Variants in SAFB2 observed in about 807,000 individuals in gnomAD.
SAFB2 encodes scaffold attachment factor B2.
A neutral mutation model predicts 100.6 loss-of-function variants in SAFB2; 32 were observed. The observed-to-expected ratio is 0.32, with a 90% CI of 0.24 to 0.43. The LOEUF (loss-of-function observed/expected upper bound fraction) is 0.43, where lower values mean the gene tolerates loss of function less well. Ranked by LOEUF, SAFB2 falls within the 20% of genes least tolerant of loss-of-function variation. The pLI is 1.00. For synonymous variants in SAFB2, 500 were observed against 439.4 expected (o/e 1.14, Z -1.72); for missense variants, 1,185 against 1,163.4 (o/e 1.02, Z -0.27).
chr19:5,615,027 A>C (rs973740607), intron 4 of SAFB2, among the ~76,000 whole-genome samples: 1 of 151,978 alleles, frequency 6.6e-6, no homozygotes, highest in African/African-American at 2.4e-5. Context: ...CTCAGCCAAC[A>C]TGATGAAACC....
chr19:5,592,963 G>T, intron 15 of SAFB2, 76 bp from the exon 16 acceptor site: 1 of 1,426,518 alleles, frequency 7.0e-7, no homozygotes, highest in Non-Finnish European at 9.7e-7. Flanking sequence ...AGGTGGAGGT[G>T]GGGAGGGGAG....
intron 11 of SAFB2, among the ~76,000 whole-genome samples, chr19:5,600,610 C>T (rs1284714333): frequency 1.3e-5 from 2 of 152,170 alleles, no homozygotes; most frequent in African/African-American, 4.8e-5. Context: ...AATGTTTCAT[C>T]ATGTATGTGT....
intron 16 of SAFB2, 50 bp downstream of exon 16, chr19:5,592,697 C>A (rs763872170): frequency 4.4e-6 from 7 of 1,606,426 alleles, no homozygotes; most frequent in Non-Finnish European, 6.0e-6. Flanking sequence ...CAGCTGGATG[C>A]CCCGGTGCCC....
intron 4 of SAFB2, among the ~76,000 whole-genome samples, chr19:5,615,921 T>C (rs1366792651): frequency 5.9e-5 from 9 of 152,336 alleles, no homozygotes; most frequent in Admixed American, 2.6e-4. Flanking sequence ...CTTCGAATTA[T>C]AAAAACACTC....
chr19:5,592,885 C>T lies in SAFB2; in HGVS notation c.2210G>A (p.Arg737Gln), dbSNP rs754078815. 8.7e-6 allele frequency: 14 copies of T among 1,613,636 alleles called. No individual in the cohort carries two copies. The highest frequency in any genetic ancestry group is 3.3e-5 in the South Asian group (3 of 91,038). Residue 737 changes from arginine to glutamine, a missense_variant and splice_region_variant, in exon 16 of 21, where the codon CGA (arginine) becomes CAA (glutamine). Arg to Gln is a conservative substitution (Grantham distance 43). Transcript: ENST00000252542. Reference sequence around the variant, plus strand: ...TCCTTCTGGCCAATAGGCATCATCTCGTCTGTTGGTTTTTATTTTAAAAGA... The same window carrying T: ...TCCTTCTGGCCAATAGGCATCATCTTGTCTGTTGGTTTTTATTTTAAAAGA... ...PGRRPYDLDR[R>Q]DDAYWPEGKR...
Position 5,604,931 on chromosome 19 carries a change from G to A in SAFB2, c.1302C>T (p.Val434=), listed in dbSNP as rs540916569. ...KNLFSKYGKV[V]GAKVVTNARS... ...GGGCGTTCGTTACCACTTTGGCCCC[G>A]ACAACCTTCATGAAAAAGGGCACTC... The change falls in exon 10 of 21, where the codon GTC becomes GTT. Residue 434 remains valine, a synonymous_variant. Transcript: ENST00000252542. 2.7e-5 allele frequency: 43 copies of A among 1,612,344 alleles called. No individual in the cohort carries two copies. Among genetic ancestry groups the A allele is most frequent in the South Asian group, 5.5e-5 (5 of 91,010 alleles).
In SAFB2 at chr19:5,601,605, G is replaced by A. The variant is rs556063160; in HGVS notation, c.1560-1345C>T. 6.6e-4 allele frequency among the ~76,000 whole-genome samples: 101 copies of A among 151,986 alleles called. 1 individual carries two copies. The highest frequency in any genetic ancestry group is 1.2e-3 in the Non-Finnish European group (84 of 67,988). On this transcript the variant is annotated intron_variant, in intron 11 of 20. Coordinates refer to ENST00000252542, the MANE Select transcript of SAFB2 (RefSeq NM_014649.3). ...CGCATGCCTGTAATCCCAGCCACTCGGGAGGCTAAGGCAGGAGAATTGCTT... is the reference window on the plus strand; with the variant it reads ...CGCATGCCTGTAATCCCAGCCACTCAGGAGGCTAAGGCAGGAGAATTGCTT...
intron 8 of SAFB2, 184 bp downstream of exon 8, chr19:5,610,455 G>A: frequency 1.6e-6 from 1 of 623,138 alleles, no homozygotes; most frequent in South Asian, 1.9e-5. Context: ...AACCACAAGA[G>A]AAACATAAAA....
chr19:5,599,204 C>T (rs967339155), intron 12 of SAFB2, among the ~76,000 whole-genome samples: 2 of 152,120 alleles, frequency 1.3e-5, no homozygotes, highest in African/African-American at 4.8e-5. Context: ...CACACAGCTC[C>T]GGAGCTGGTC....
At chr19:5,597,961 C>T (rs963219568) in intron 13 of SAFB2, among the ~76,000 whole-genome samples, 2 of 151,902 alleles carry the variant, frequency 1.3e-5, no homozygotes, top group Non-Finnish European at 2.9e-5. Flanking sequence ...AAAATCCCGT[C>T]TCTACTAAAA....
At chr19:5,592,368 A>C (rs1433415671) in intron 16 of SAFB2, among the ~76,000 whole-genome samples, 1 of 152,152 alleles carries the variant, frequency 6.6e-6, no homozygotes. Flanking sequence ...TCGAAATACA[A>C]AACAGGCCTC....
intron 7 of SAFB2, 63 bp downstream of exon 7, chr19:5,611,057 T>C (rs2052899097): frequency 3.7e-6 from 1 of 271,336 alleles, no homozygotes; most frequent in Non-Finnish European, 6.9e-6. Context: ...ACAGCTTATG[T>C]GTGTCATTAC....
At chr19:5,592,620 G>A in intron 16 of SAFB2, 127 bp downstream of exon 16, 1 of 1,054,142 alleles carries the variant, frequency 9.5e-7, no homozygotes, top group Non-Finnish European at 1.4e-6. Flanking sequence ...GTCATCCACT[G>A]TGGATCTCAG....
At chr19:5,603,636 G>A (rs944569503) in intron 11 of SAFB2, among the ~76,000 whole-genome samples, 1 of 151,964 alleles carries the variant, frequency 6.6e-6, no homozygotes, top group Admixed American at 6.6e-5. Flanking sequence ...GTACGCCAAG[G>A]TACCCCAAGG....
At chr19:5,597,887 T>C (rs1181326866) in intron 13 of SAFB2, among the ~76,000 whole-genome samples, 2 of 152,130 alleles carry the variant, frequency 1.3e-5, no homozygotes, top group Admixed American at 1.3e-4. Flanking sequence ...CCCAGCACTT[T>C]GGGAGGCTGA....
In SAFB2 at chr19:5,609,029, G is replaced by A. The variant is rs1395957778; in HGVS notation, c.1296+966C>T. Among the ~76,000 whole-genome samples, 4 of 139,296 alleles carry A rather than the reference G, an allele frequency of 2.9e-5. No homozygotes were observed. In the East Asian group the frequency reaches 8.3e-4, roughly 29 times the overall value. 91.4% of individuals were successfully genotyped at this position (139,296 alleles called of 152,430 possible). A position where few individuals can be genotyped will look rare whatever the true frequency, so the allele number is the denominator to read the frequency against. Reference sequence around the variant, plus strand: ...ATCACACCACTGCACTTCAGCCTGGGCAACAGAGCGAGACGCAGTCTCAAA... The same window carrying A: ...ATCACACCACTGCACTTCAGCCTGGACAACAGAGCGAGACGCAGTCTCAAA... On this transcript the variant is annotated intron_variant, in intron 9 of 20. Transcript: ENST00000252542.
chr19:5,602,186 A>C (rs1348171278), intron 11 of SAFB2, among the ~76,000 whole-genome samples: 1 of 152,090 alleles, frequency 6.6e-6, no homozygotes, highest in African/African-American at 2.4e-5. Context: ...GGTCTTAAAG[A>C]TCTTAAGTTC....
At chr19:5,599,434 T>C (rs181518833) in intron 12 of SAFB2, among the ~76,000 whole-genome samples, 122 of 152,334 alleles carry the variant, frequency 8.0e-4, no homozygotes, top group African/African-American at 2.9e-3. Flanking sequence ...TTTATAATAC[T>C]TGAGGAACAT....
At chr19:5,622,203 G>A (rs1250877899) in intron 1 of SAFB2, among the ~76,000 whole-genome samples, 1 of 152,236 alleles carries the variant, frequency 6.6e-6, no homozygotes, top group Non-Finnish European at 1.5e-5. Flanking sequence ...GGCACAGAGA[G>A]AAAGGCACCT....
Sources: gnomAD v4.1 joint callset for allele counts (sites outside exome capture counted in the v4.1 genomes callset) on GRCh38, gnomAD v4.1.1 for gene constraint, MANE v1.5 for transcripts, NCBI Gene and HGNC (gene_info 2026-07-23, HGNC 2026-07-21) for gene names.